Variants in HOMER2 observed in about 807,000 individuals in gnomAD.
The protein encoded by HOMER2 is homer protein homolog 2.
HOMER2 carries 27 observed loss-of-function variants against 47.0 expected under a neutral mutation model. The ratio of observed to expected loss-of-function variants is 0.57; its 90% confidence interval spans 0.42 to 0.79. The LOEUF is 0.79. HOMER2 is among the 30% of genes least tolerant of loss of function. HOMER2 has a pLI of 0.00. For synonymous variants in HOMER2, 161 were observed against 163.8 expected (o/e 0.98, Z 0.13); for missense variants, 443 against 435.0 (o/e 1.02, Z -0.16).
chr15:82,889,644 T>TA (rs2151092155), intron 2 of HOMER2, among the ~76,000 whole-genome samples: 1 of 152,146 alleles, frequency 6.6e-6, no homozygotes, highest in East Asian at 1.9e-4. Flanking sequence ...ATGAGGACCT[T>TA]AGTAATGGGT....
upstream of HOMER2, among the ~76,000 whole-genome samples, chr15:82,954,554 G>T (rs568349058): frequency 6.6e-6 from 1 of 151,964 alleles, no homozygotes; most frequent in Non-Finnish European, 1.5e-5. Context: ...CTCCCAAAGG[G>T]CTGGGACTAC....
chr15:82,948,390 CAA>C (rs71156062), intron 1 of HOMER2, among the ~76,000 whole-genome samples: 38 of 62,448 alleles, frequency 6.1e-4, no homozygotes, highest in Non-Finnish European at 4.6e-4. Flanking sequence ...GACTCCATCT[CAA>C]AAAAAAAAAA....
At chr15:82,846,260 G>A (rs998790703), downstream of HOMER2, 1 of 152,128 alleles carries the variant, frequency 6.6e-6, no homozygotes, top group Admixed American at 6.5e-5. Flanking sequence ...AAGAACTCAG[G>A]GTGTGTTTGT....
At chr15:82,971,411 T>TACACAC (rs1359152501) in intron 1 of HOMER2, among the ~76,000 whole-genome samples, 4 of 149,302 alleles carry the variant, frequency 2.7e-5, no homozygotes, top group African/African-American at 1.0e-4. Context: ...GAGAGACAGA[T>TACACAC]ACATACACAC....
At chr15:82,898,670 T>C (rs1249555058) in intron 1 of HOMER2, among the ~76,000 whole-genome samples, 1 of 152,234 alleles carries the variant, frequency 6.6e-6, no homozygotes, top group Non-Finnish European at 1.5e-5. Flanking sequence ...GTTTGGAATA[T>C]GAAAACCACT....
At chr15:82,903,417 A>C (rs886091719) in intron 1 of HOMER2, among the ~76,000 whole-genome samples, 3 of 152,034 alleles carry the variant, frequency 2.0e-5, no homozygotes, top group African/African-American at 7.2e-5. Flanking sequence ...GTTTGAGACC[A>C]GTCTGACAAA....
intron 1 of HOMER2, among the ~76,000 whole-genome samples, chr15:82,918,206 G>A (rs957648063): frequency 6.6e-5 from 10 of 152,078 alleles, no homozygotes; most frequent in Admixed American, 2.6e-4. Flanking sequence ...ATATATAGAC[G>A]CCATCCCTCC....
chr15:82,977,307 A>C (rs1279354786), intron 1 of HOMER2, among the ~76,000 whole-genome samples: 2 of 152,218 alleles, frequency 1.3e-5, no homozygotes. Flanking sequence ...GAACATATGG[A>C]ACCCACCATG....
chr15:82,931,846 A>T (rs940515172), intron 1 of HOMER2, among the ~76,000 whole-genome samples: 2 of 148,666 alleles, frequency 1.3e-5, no homozygotes, highest in African/African-American at 4.9e-5. Context: ...TCAAAAAACA[A>T]AACAAAACAA....
chr15:82,908,730 C>A (rs1444527604), intron 1 of HOMER2, among the ~76,000 whole-genome samples: 4 of 147,580 alleles, frequency 2.7e-5, no homozygotes, highest in Non-Finnish European at 6.0e-5. Context: ...TTTTAGTCAG[C>A]TGTTTTGCTT....
At chr15:82,870,169 C>G (rs1024699916) in intron 3 of HOMER2, among the ~76,000 whole-genome samples, 5 of 152,178 alleles carry the variant, frequency 3.3e-5, no homozygotes, top group Admixed American at 3.3e-4. Flanking sequence ...TTTGTTTATT[C>G]AAAATCTGTT....
At chr15:82,863,016 C>G (rs1317546938) in intron 4 of HOMER2, among the ~76,000 whole-genome samples, 1 of 152,074 alleles carries the variant, frequency 6.6e-6, no homozygotes, top group Non-Finnish European at 1.5e-5. Flanking sequence ...CATAACTGGG[C>G]CTATTTCCTA....
chr15:82,974,963 G>A (rs2030153119), intron 1 of HOMER2, among the ~76,000 whole-genome samples: 1 of 152,124 alleles, frequency 6.6e-6, no homozygotes, highest in Non-Finnish European at 1.5e-5. Flanking sequence ...CCAGCTACTC[G>A]GGAGGCTGAG....
chr15:82,875,437 A>T, intron 2 of HOMER2, 33 bp from the exon 3 acceptor site: 1 of 1,611,502 alleles, frequency 6.2e-7, no homozygotes, highest in Non-Finnish European at 8.5e-7. Flanking sequence ...GTGAAAATTT[A>T]AATGTTGAAT....
intron 1 of HOMER2, among the ~76,000 whole-genome samples, chr15:82,984,274 C>T (rs2030508829): frequency 6.6e-6 from 1 of 151,924 alleles, no homozygotes; most frequent in Admixed American, 6.5e-5. Flanking sequence ...CCTCATGATC[C>T]ACCCGCCTCG....
intron 1 of HOMER2, among the ~76,000 whole-genome samples, chr15:82,911,078 T>C (rs1286301420): frequency 6.6e-6 from 1 of 152,202 alleles, no homozygotes; most frequent in Non-Finnish European, 1.5e-5. Flanking sequence ...AGGAATGTTA[T>C]GTTGATTATA....
intron 1 of HOMER2, among the ~76,000 whole-genome samples, chr15:82,974,630 G>C (rs1028717726): frequency 6.6e-6 from 1 of 152,184 alleles, no homozygotes; most frequent in African/African-American, 2.4e-5. Flanking sequence ...GGCTCCCTGG[G>C]GGCACTTGGG....
At chr15:82,961,397 A>G (rs2054629219) in intron 1 of HOMER2, among the ~76,000 whole-genome samples, 1 of 152,254 alleles carries the variant, frequency 6.6e-6, no homozygotes, top group Non-Finnish European at 1.5e-5. Context: ...TTTGCTTTCA[A>G]TTACATATGA....
At chr15:82,925,140 A>G (rs1596359036) in intron 1 of HOMER2, among the ~76,000 whole-genome samples, 1 of 152,298 alleles carries the variant, frequency 6.6e-6, no homozygotes, top group Middle Eastern at 3.4e-3. Context: ...CCTCTCATCA[A>G]TAGGATCTCC....
Sources: allele counts gnomAD v4.1 joint callset (sites outside exome capture counted in the v4.1 genomes callset), GRCh38; gene constraint gnomAD v4.1.1; transcripts MANE v1.5; gene names NCBI Gene and HGNC (gene_info 2026-07-23, HGNC 2026-07-21).